Variants in PRKCA observed in about 807,000 individuals in gnomAD.
PRKCA encodes the protein protein kinase C alpha, also known as protein kinase C alpha type.
PRKCA carries 27 observed loss-of-function variants against 87.0 expected under a neutral mutation model. That is an observed-to-expected ratio of 0.31 (90% confidence interval 0.23 to 0.43). PRKCA has a LOEUF of 0.43. PRKCA is among the 20% of genes least tolerant of loss of function. The pLI, the probability that PRKCA is intolerant of heterozygous loss-of-function variation, is 1.00. For synonymous variants in PRKCA, 329 were observed against 311.1 expected (o/e 1.06, Z -0.61); for missense variants, 518 against 852.3 (o/e 0.61, Z 4.88).
intron 5 of PRKCA, among the ~76,000 whole-genome samples, chr17:66,661,921 G>T (rs1971915844): frequency 6.6e-6 from 1 of 152,206 alleles, no homozygotes; most frequent in South Asian, 2.1e-4. Flanking sequence ...AGCTTTTTCT[G>T]CAGGCCACGT....
At chr17:66,312,864 G>A (rs1486215376) in intron 2 of PRKCA, among the ~76,000 whole-genome samples, 1 of 150,196 alleles carries the variant, frequency 6.7e-6, no homozygotes, top group Non-Finnish European at 1.5e-5. Context: ...TTAGCCTCCT[G>A]AGTAGCCGGG....
At chr17:66,773,463 A>G (rs1157339051) in intron 13 of PRKCA, among the ~76,000 whole-genome samples, 1 of 150,532 alleles carries the variant, frequency 6.6e-6, no homozygotes, top group Non-Finnish European at 1.5e-5. Context: ...CTTATATGTC[A>G]GACTCAAACT....
chr17:66,577,192 G>T (rs1247802833), intron 3 of PRKCA, among the ~76,000 whole-genome samples: 1 of 152,116 alleles, frequency 6.6e-6, no homozygotes, highest in Non-Finnish European at 1.5e-5. Flanking sequence ...TTTAATCACA[G>T]CGGTATTTGG....
At chr17:66,464,225 T>C (rs1008852686) in intron 2 of PRKCA, among the ~76,000 whole-genome samples, 2 of 152,196 alleles carry the variant, frequency 1.3e-5, no homozygotes, top group African/African-American at 2.4e-5. Flanking sequence ...TTCTGTTTAG[T>C]GCTAAATAAG....
At chr17:66,410,467 A>G (rs963371366) in intron 2 of PRKCA, among the ~76,000 whole-genome samples, 8 of 152,154 alleles carry the variant, frequency 5.3e-5, no homozygotes, top group African/African-American at 1.4e-4. Context: ...AAACACTTCA[A>G]TATAAGAAAA....
chr17:66,628,212 C>T, intron 3 of PRKCA, among the ~76,000 whole-genome samples: 1 of 152,066 alleles, frequency 6.6e-6, no homozygotes, highest in Non-Finnish European at 1.5e-5. Context: ...TTATGTTCAC[C>T]TCTTTGGCTC....
At chr17:66,358,115 A>G (rs1248437468) in intron 2 of PRKCA, among the ~76,000 whole-genome samples, 1 of 152,160 alleles carries the variant, frequency 6.6e-6, no homozygotes, top group Non-Finnish European at 1.5e-5. Context: ...TGTTTGTGTC[A>G]TATTAGTCTA....
At chr17:66,643,159 C>T (rs1400372654) in intron 4 of PRKCA, among the ~76,000 whole-genome samples, 1 of 152,204 alleles carries the variant, frequency 6.6e-6, no homozygotes, top group Non-Finnish European at 1.5e-5. Context: ...TACTTTAAAA[C>T]TGGGAACAAA....
Position 66,487,343 on chromosome 17 carries a change from G to T in PRKCA, c.206-8858G>T, listed in dbSNP as rs1240390508. 5.9e-5 allele frequency among the ~76,000 whole-genome samples: 9 copies of T among 152,144 alleles called. No homozygotes were observed. In the East Asian group the frequency reaches 1.7e-3, roughly 29 times the overall value. On this transcript the variant is annotated intron_variant, in intron 2 of 16. Transcript: ENST00000413366. ...CAGTTCTTTTCATGTTGCTGCAAAT[G>T]ATAGGATTTCATTCTTTTTTATGGT...
intron 8 of PRKCA, among the ~76,000 whole-genome samples, chr17:66,723,681 A>G (rs1235463954): frequency 2.0e-5 from 3 of 151,800 alleles, no homozygotes; most frequent in Non-Finnish European, 4.4e-5. Flanking sequence ...GGAATAAAGC[A>G]TGGGGTGCTA....
intron 2 of PRKCA, among the ~76,000 whole-genome samples, chr17:66,383,963 T>G (rs1325665884): frequency 6.6e-6 from 1 of 151,650 alleles, no homozygotes; most frequent in Non-Finnish European, 1.5e-5. Context: ...AAAAAAAAAA[T>G]TGTTTTTGAT....
At chr17:66,770,813 CT>C (rs1974917148) in intron 13 of PRKCA, among the ~76,000 whole-genome samples, 1 of 152,048 alleles carries the variant, frequency 6.6e-6, no homozygotes, top group African/African-American at 2.4e-5. Flanking sequence ...GCCAGTAGAC[CT>C]AGGTCTCTTG....
At chr17:66,471,794 C>T (rs1040960397) in intron 2 of PRKCA, among the ~76,000 whole-genome samples, 1 of 152,046 alleles carries the variant, frequency 6.6e-6, no homozygotes, top group African/African-American at 2.4e-5. Context: ...CCATGCCTGC[C>T]TGCTTTCATG....
At chr17:66,470,673 G>C (rs970756241) in intron 2 of PRKCA, among the ~76,000 whole-genome samples, 6 of 152,094 alleles carry the variant, frequency 3.9e-5, no homozygotes, top group Admixed American at 2.6e-4. Flanking sequence ...TCAGCCCTTC[G>C]TTTCAATACC....
intron 9 of PRKCA, among the ~76,000 whole-genome samples, chr17:66,733,148 C>CA (rs34064109): frequency 0.037 from 3,653 of 99,172 alleles, 69 homozygotes; most frequent in South Asian, 0.055. Context: ...GACTCCGTCT[C>CA]AAAAAAAAAA....
intron 3 of PRKCA, among the ~76,000 whole-genome samples, chr17:66,576,598 G>A (rs9905351): frequency 0.44 from 66,707 of 152,024 alleles, 14,795 homozygotes; most frequent in South Asian, 0.55. Flanking sequence ...TCTGCTGTTC[G>A]CAGGACAAGA....
At chr17:66,449,523 TC>T (rs1914206112) in intron 2 of PRKCA, among the ~76,000 whole-genome samples, 1 of 152,136 alleles carries the variant, frequency 6.6e-6, no homozygotes, top group Non-Finnish European at 1.5e-5. Context: ...CAGCCTTTTT[TC>T]CTCTCCCCAG....
At chr17:66,386,964 A>G (rs1354763796) in intron 2 of PRKCA, among the ~76,000 whole-genome samples, 1 of 152,214 alleles carries the variant, frequency 6.6e-6, no homozygotes, top group Admixed American at 6.5e-5. Flanking sequence ...GTGAAAATGT[A>G]AAGGTTCTCA....
intron 2 of PRKCA, among the ~76,000 whole-genome samples, chr17:66,482,567 C>T (rs72838298): frequency 0.15 from 22,618 of 152,136 alleles, 1,943 homozygotes; most frequent in East Asian, 0.28. Flanking sequence ...TGTTCATTTT[C>T]TGTGTGGCTG....
Sources: gnomAD v4.1 joint callset for allele counts (sites outside exome capture counted in the v4.1 genomes callset) on GRCh38, gnomAD v4.1.1 for gene constraint, MANE v1.5 for transcripts, NCBI Gene and HGNC (gene_info 2026-07-23, HGNC 2026-07-21) for gene names.